SRGAP3: variants seen among roughly 807,000 people sequenced by gnomAD.
The protein encoded by SRGAP3 is SLIT-ROBO Rho GTPase-activating protein 3.
In SRGAP3, 39 loss-of-function variants were observed where a neutral mutation model predicts 121.1. The observed-to-expected ratio is 0.32, with a 90% CI of 0.25 to 0.42. The LOEUF (loss-of-function observed/expected upper bound fraction) is 0.42, where lower values mean the gene tolerates loss of function less well. SRGAP3 is among the 10% of genes least tolerant of loss of function. The pLI, the probability that SRGAP3 is intolerant of heterozygous loss-of-function variation, is 1.00. For synonymous variants in SRGAP3, 601 were observed against 570.0 expected (o/e 1.05, Z -0.77); for missense variants, 1,213 against 1,470.6 (o/e 0.82, Z 2.86).
At chr3:9,090,165 G>A (rs1056083659) in intron 3 of SRGAP3, among the ~76,000 whole-genome samples, 2 of 152,052 alleles carry the variant, frequency 1.3e-5, no homozygotes, top group Non-Finnish European at 2.9e-5. Flanking sequence ...TTCTGAAAAC[G>A]CTCCACCAAG....
chr3:9,361,417 A>G (rs1284131556), intron 1 of SRGAP3, among the ~76,000 whole-genome samples: 1 of 152,072 alleles, frequency 6.6e-6, no homozygotes, highest in African/African-American at 2.4e-5. Context: ...TTGCACATTT[A>G]TAAATTGTGT....
intron 2 of SRGAP3, among the ~76,000 whole-genome samples, chr3:9,111,399 C>G (rs1443847435): frequency 6.6e-6 from 1 of 152,202 alleles, no homozygotes; most frequent in Non-Finnish European, 1.5e-5. Flanking sequence ...GGAGAAGGCT[C>G]TAGGCAGAGG....
intron 18 of SRGAP3, among the ~76,000 whole-genome samples, chr3:8,997,556 T>A (rs1438435018): frequency 2.0e-5 from 3 of 152,168 alleles, no homozygotes; most frequent in Non-Finnish European, 4.4e-5. Flanking sequence ...AGGATCCCAA[T>A]CGCAGAGACC....
intron 17 of SRGAP3, 33 bp from the exon 18 acceptor site, chr3:9,010,420 G>C: frequency 6.2e-7 from 1 of 1,606,460 alleles, no homozygotes; most frequent in Non-Finnish European, 8.5e-7. Flanking sequence ...GACTCACTGC[G>C]GGGGGTTATC....
chr3:9,016,113 A>G, intron 14 of SRGAP3: 1 of 272,164 alleles, frequency 3.7e-6, no homozygotes, highest in South Asian at 4.5e-5. Context: ...AAGAATAAGG[A>G]TATTCTTGTA....
intron 11 of SRGAP3, 83 bp from the exon 12 acceptor site, chr3:9,032,835 C>T: frequency 8.0e-7 from 1 of 1,244,420 alleles, no homozygotes; most frequent in East Asian, 2.3e-5. Context: ...AAACCCACGA[C>T]TAAAGGGGAA....
chr3:9,222,244 T>C (rs1024297127), intron 1 of SRGAP3, among the ~76,000 whole-genome samples: 1 of 152,220 alleles, frequency 6.6e-6, no homozygotes, highest in Non-Finnish European at 1.5e-5. Context: ...TGTGTACCTG[T>C]CATGTAGTTG....
At chr3:9,018,746 T>G (rs1480500174) in intron 14 of SRGAP3, among the ~76,000 whole-genome samples, 2 of 152,220 alleles carry the variant, frequency 1.3e-5, no homozygotes, top group Non-Finnish European at 2.9e-5. Flanking sequence ...GTAGTAATTT[T>G]TTTTAGAAAT....
intron 3 of SRGAP3, among the ~76,000 whole-genome samples, chr3:9,093,631 T>C (rs1947848455): frequency 6.6e-6 from 1 of 152,072 alleles, no homozygotes; most frequent in African/African-American, 2.4e-5. Flanking sequence ...TCCTTCCCAT[T>C]CCTTTATCAA....
At chr3:9,088,558 T>C (rs1947597775) in intron 3 of SRGAP3, among the ~76,000 whole-genome samples, 1 of 152,114 alleles carries the variant, frequency 6.6e-6, no homozygotes, top group Non-Finnish European at 1.5e-5. Context: ...TAGCATTCCC[T>C]ACCCCCAACC....
chr3:9,204,027 G>T (rs1952173997), intron 1 of SRGAP3, among the ~76,000 whole-genome samples: 1 of 152,106 alleles, frequency 6.6e-6, no homozygotes, highest in Non-Finnish European at 1.5e-5. Context: ...TACCGCTACA[G>T]TTTGACACCC....
chr3:9,225,675 T>C (rs534231389), intron 1 of SRGAP3, among the ~76,000 whole-genome samples: 1 of 152,228 alleles, frequency 6.6e-6, no homozygotes, highest in South Asian at 2.1e-4. Context: ...GAGTCCACAA[T>C]GGCACCTTAA....
chr3:8,990,641 G>C lies in SRGAP3; in HGVS notation c.2757C>G (p.Ser919Arg). The C allele has an allele frequency of 1.2e-6, 2 of 1,613,516 alleles. No individual in the cohort carries two copies. Among genetic ancestry groups the C allele is most frequent in the Non-Finnish European group, 1.7e-6 (2 of 1,179,898 alleles). Residue 919 changes from serine to arginine, a missense_variant, in exon 21 of 22, where the codon AGC (serine) becomes AGG (arginine). By Grantham distance (110) the Ser-to-Arg change is moderately radical. Around this residue, in one of 2 missense-constraint regions of SRGAP3, gnomAD observed 420 missense variants for 437.7 expected, o/e 0.96. Transcript: ENST00000383836. ...PEKRRMATFG[S>R]AGSINYPDKK... is the part of the protein sequence containing the mutation. ...TGTCAGGGTAGTTGATGCTGCCAGC[G>C]CTCCCGAACGTCGCCATCCTCCGCT... is the stretch of plus-strand genomic sequence containing the variant.
intron 2 of SRGAP3, among the ~76,000 whole-genome samples, chr3:9,328,045 T>C (rs1317685457): frequency 6.6e-6 from 1 of 152,238 alleles, no homozygotes; most frequent in Non-Finnish European, 1.5e-5. Context: ...CAAAGCAGTT[T>C]ATGACCTTAA....
chr3:9,032,121 G>A (rs951947194), intron 12 of SRGAP3, among the ~76,000 whole-genome samples: 1 of 152,100 alleles, frequency 6.6e-6, no homozygotes, highest in African/African-American at 2.4e-5. Flanking sequence ...CCACCTAACA[G>A]GAAGCAAAAC....
At chr3:9,015,283 C>T (rs994178446) in intron 15 of SRGAP3, among the ~76,000 whole-genome samples, 3 of 152,138 alleles carry the variant, frequency 2.0e-5, no homozygotes, top group Non-Finnish European at 4.4e-5. Context: ...GTCCCTTGCG[C>T]TTCCCAGGAT....
chr3:9,049,391 T>G, intron 9 of SRGAP3: 1 of 456,084 alleles, frequency 2.2e-6, no homozygotes, highest in Non-Finnish European at 4.4e-6. Context: ...CACAGAGCAC[T>G]TGACAGTTTT....
intron 1 of SRGAP3, among the ~76,000 whole-genome samples, chr3:9,154,585 G>A (rs576717445): frequency 2.6e-5 from 4 of 152,114 alleles, no homozygotes; most frequent in East Asian, 3.9e-4. Flanking sequence ...CAACTCCTCC[G>A]TGAAGACTTT....
In SRGAP3 at chr3:9,058,243, A is replaced by G; in HGVS notation, c.1023+8T>C. ...AGCCCCAAGCCCGGGCTCCAGGAGG[A>G]AGCCTACCTCATCCCCCATGTGGGG... is the stretch of plus-strand genomic sequence containing the variant. On this transcript the variant is annotated splice_region_variant and intron_variant, in intron 7 of 21. Coordinates refer to ENST00000383836, the MANE Select transcript of SRGAP3 (RefSeq NM_014850.4). The G allele has an allele frequency of 6.2e-7, 1 of 1,613,956 alleles. No individual in the cohort carries two copies. The highest frequency in any genetic ancestry group is 8.5e-7 in the Non-Finnish European group (1 of 1,179,980).
Sources: allele counts gnomAD v4.1 joint callset (sites outside exome capture counted in the v4.1 genomes callset), GRCh38; gene constraint gnomAD v4.1.1; regional missense constraint gnomAD v4.1.1; transcripts MANE v1.5; gene names NCBI Gene and HGNC (gene_info 2026-07-23, HGNC 2026-07-21).